Variants in TSPOAP1 observed in about 807,000 individuals in gnomAD.
The protein encoded by TSPOAP1 is TSPO associated protein 1.
In TSPOAP1, 87 loss-of-function variants were observed where a neutral mutation model predicts 197.0. That is an observed-to-expected ratio of 0.44 (90% CI 0.37 to 0.53). The LOEUF is 0.53. Ranked by LOEUF, TSPOAP1 falls within the 20% of genes least tolerant of loss-of-function variation. The pLI is 0.00. For missense variants in TSPOAP1, 2,174 were observed against 2,411.3 expected (o/e 0.90, Z 2.06); for synonymous variants, 913 against 998.9 (o/e 0.91, Z 1.62).
At chr17:58,312,817 T>A (rs1971115137) in intron 16 of TSPOAP1, 95 bp from the exon 17 acceptor site, 2 of 881,988 alleles carry the variant, frequency 2.3e-6, no homozygotes, top group Non-Finnish European at 3.4e-6. Flanking sequence ...CAACTGCTAG[T>A]GGGTGATCTT....
rs1282862644 is a variant in TSPOAP1, at chr17:58,304,112, A to G, written c.*32+226T>C. On this transcript the variant is annotated intron_variant, in intron 31 of 31. Coordinates refer to ENST00000343736, the MANE Select transcript of TSPOAP1 (RefSeq NM_004758.4). This position sits in a 1 kb window ranked among gnomAD's most constrained non-coding sequence, Gnocchi z 4.2. ...ACATCACACACTAAGATGACATGTA[A>G]TCCTATGACAGCTGGCACTGCCCTG... 3 of 537,992 alleles carry G rather than the reference A, an allele frequency of 5.6e-6. No homozygotes were observed. Among genetic ancestry groups the G allele is most frequent in the Non-Finnish European group, 6.7e-6 (2 of 298,938 alleles). 33.3% of individuals were successfully genotyped at this position (537,992 alleles called of 1,614,324 possible). A position where few individuals can be genotyped will look rare whatever the true frequency, so the allele number is the denominator to read the frequency against.
chr17:58,301,529 A>T lies in TSPOAP1; in HGVS notation c.*951T>A, dbSNP rs1970722698. On this transcript the variant is annotated 3_prime_UTR_variant, in exon 32 of 32. Coordinates refer to ENST00000343736, the MANE Select transcript of TSPOAP1 (RefSeq NM_004758.4). Reference sequence around the variant, plus strand: ...GGGTTAGAAGAAAACTATGCAAAAGAACTTGAATCCAATGAGCAAAATAAG... The same window carrying T: ...GGGTTAGAAGAAAACTATGCAAAAGTACTTGAATCCAATGAGCAAAATAAG... 6.5e-6 allele frequency: 1 copy of T among 152,692 alleles called. No homozygotes were observed. The highest frequency in any genetic ancestry group is 2.4e-5 in the African/African-American group (1 of 41,452). The allele number at this position is 152,692 out of a possible 1,614,324, so 9.5% of individuals were successfully genotyped here. A position where few individuals can be genotyped will look rare whatever the true frequency, so the allele number is the denominator to read the frequency against.
Position 58,309,621 on chromosome 17 carries a change from A to G in TSPOAP1, c.3892-241T>C, listed in dbSNP as rs1250600030. On this transcript the variant is annotated intron_variant, in intron 21 of 31. Coordinates refer to ENST00000343736, the MANE Select transcript of TSPOAP1 (RefSeq NM_004758.4). This position sits in a 1 kb window ranked among gnomAD's most constrained non-coding sequence, Gnocchi z 5.0. ...GGAACACACTCTAGGAACCATCACCAGCCCCTGTGGGACAGGAGCATTGAG... is the reference window on the plus strand; with the variant it reads ...GGAACACACTCTAGGAACCATCACCGGCCCCTGTGGGACAGGAGCATTGAG... Among the ~76,000 whole-genome samples the G allele has an allele frequency of 6.6e-6, 1 of 152,104 alleles. No individual in the cohort carries two copies. The highest frequency in any genetic ancestry group is 1.5e-5 in the Non-Finnish European group (1 of 68,012).
rs1360106256 is a variant in TSPOAP1 at position 58,305,629 on chromosome 17, C to T, written c.5272G>A (p.Val1758Ile). 1 of 1,544,400 alleles carries T rather than the reference C, an allele frequency of 6.5e-7. No homozygotes were observed. The highest frequency in any genetic ancestry group is 1.9e-5 in the Admixed American group (1 of 52,174). The change falls in exon 28 of 32, where the codon GTC (valine) becomes ATC (isoleucine). Residue 1758 changes from valine (V) to isoleucine (I), a missense_variant. By Grantham distance (29) the Val-to-Ile change is conservative. Around this residue, in one of 5 missense-constraint regions of TSPOAP1, gnomAD observed 161 missense variants for 159.1 expected, o/e 1.01. Transcript: ENST00000343736. ...AQPCPGPPKL[V>I]PSADLKAPHS... The stretch of plus-strand genomic sequence containing the variant: ...GGAGCTTTCAGGTCAGCAGAGGGGA[C>T]CAGCTTAGGGGGGCCTGCAGGGGGA...
In TSPOAP1 at chr17:58,324,915, C is replaced by T. The variant is rs760956067; in HGVS notation, c.838G>A (p.Ala280Thr). The change falls in exon 5 of 32, where the codon GCG becomes ACG. Residue 280 changes from alanine to threonine, a missense_variant. Transcript: ENST00000343736. This position sits in a 1 kb window ranked among gnomAD's most constrained non-coding sequence, Gnocchi z 5.8. ...REVLRLQRQI[A>T]LRNQRETLPL... ...AGCGTCTCCCGCTGGTTGCGCAGCG[C>T]GATCTGCCTCTGCAGCCGCAGCACC... 1.4e-5 allele frequency: 22 copies of T among 1,537,088 alleles called. No homozygotes were observed. Among genetic ancestry groups the T allele is most frequent in the Non-Finnish European group, 4.4e-6 (5 of 1,145,710 alleles).
Position 58,328,080 on chromosome 17 carries a change from A to T in TSPOAP1, c.-160T>A. The T allele has an allele frequency of 3.0e-6, 2 of 662,584 alleles. No homozygotes were observed. The highest frequency in any genetic ancestry group is 5.1e-6 in the Non-Finnish European group (2 of 395,474). 41.0% of individuals were successfully genotyped at this position (662,584 alleles called of 1,614,324 possible). A position where few individuals can be genotyped will look rare whatever the true frequency, so the allele number is the denominator to read the frequency against. On this transcript the variant is annotated 5_prime_UTR_variant, in exon 1 of 32. Coordinates refer to ENST00000343736, the MANE Select transcript of TSPOAP1 (RefSeq NM_004758.4). The surrounding 1 kb of genome is among the most constrained non-coding windows in gnomAD (Gnocchi z 4.3). ...CTGAGCTCTTCCCCACCCACAAAGGAGGCTGCAGAAGGCGCCAGGGCTGCT... is the reference window on the plus strand; with the variant it reads ...CTGAGCTCTTCCCCACCCACAAAGGTGGCTGCAGAAGGCGCCAGGGCTGCT...
rs750447096 is a variant in TSPOAP1 at position 58,322,374 on chromosome 17, C to A, written c.1356G>T (p.Glu452Asp). ...REVAQRRQQL[E>D]VEHEQARLSL... ...TGAGCCGAGCCTGTTCATGCTCCAC[C>A]TCCAGCTGCTGCCGCCGCTGGGCCA... is the stretch of plus-strand genomic sequence containing the variant. The change falls in exon 10 of 32, where the codon GAG (glutamate) becomes GAT (aspartate). Residue 452 changes from glutamate to aspartate, a missense_variant. This residue lies in a region of TSPOAP1 where 1,933 missense variants were observed against 2,139.0 expected (regional missense o/e 0.90). Transcript: ENST00000343736. The surrounding 1 kb of genome is among the most constrained non-coding windows in gnomAD (Gnocchi z 5.0). 1.9e-6 allele frequency: 3 copies of A among 1,606,298 alleles called. No individual in the cohort carries two copies. The South Asian group carries it at 3.3e-5, about 18-fold the overall frequency.
rs1028238889 is a variant in TSPOAP1 at position 58,324,382 on chromosome 17, C to T, written c.942+429G>A. 6.6e-6 allele frequency among the ~76,000 whole-genome samples: 1 copy of T among 152,084 alleles called. No homozygotes were observed. The highest frequency in any genetic ancestry group is 1.5e-5 in the Non-Finnish European group (1 of 67,972). On this transcript the variant is annotated intron_variant, in intron 5 of 31. Coordinates refer to ENST00000343736, the MANE Select transcript of TSPOAP1 (RefSeq NM_004758.4). This position sits in a 1 kb window ranked among gnomAD's most constrained non-coding sequence, Gnocchi z 5.8. ...GTACCTGGAGCCGGGGCGGACGCACCGCCGCCCCCGGGTAGCTGGGGCCAG... is the reference window on the plus strand; with the variant it reads ...GTACCTGGAGCCGGGGCGGACGCACTGCCGCCCCCGGGTAGCTGGGGCCAG...
At position 58,304,123 on chromosome 17, in the gene TSPOAP1, G is replaced by T. The variant is rs888927401; in HGVS notation, c.*32+215C>A. On this transcript the variant is annotated intron_variant, in intron 31 of 31. Coordinates refer to ENST00000343736, the MANE Select transcript of TSPOAP1 (RefSeq NM_004758.4). The surrounding 1 kb of genome is among the most constrained non-coding windows in gnomAD (Gnocchi z 4.2). Reference sequence around the variant, plus strand: ...TAAGATGACATGTAATCCTATGACAGCTGGCACTGCCCTGGGTAAAGGCAA... The same window carrying T: ...TAAGATGACATGTAATCCTATGACATCTGGCACTGCCCTGGGTAAAGGCAA... The T allele has an allele frequency of 3.5e-5, 19 of 550,600 alleles. No individual in the cohort carries two copies. The highest frequency in any genetic ancestry group is 3.4e-4 in the African/African-American group (18 of 52,896). 34.1% of individuals were successfully genotyped at this position (550,600 alleles called of 1,614,324 possible).
intron 10 of TSPOAP1, chr17:58,321,954 C>T (rs1484795578): frequency 1.2e-5 from 3 of 245,134 alleles, no homozygotes; most frequent in Non-Finnish European, 2.4e-5. Flanking sequence ...TGGTCTCAGG[C>T]TTCTTCAGCT....
In TSPOAP1 at chr17:58,311,577, C is replaced by G; in HGVS notation, c.3075G>C (p.Gly1025=). The G allele has an allele frequency of 6.3e-7, 1 of 1,576,460 alleles. No individual in the cohort carries two copies. Among genetic ancestry groups the G allele is most frequent in the Non-Finnish European group, 8.6e-7 (1 of 1,157,238 alleles). ...RVTGYAIYAD[G]QKIMEVASPT... ...ACAGTGGGCAGGGCTATACCTTCTG[C>G]CCATCAGCGTAGATGGCATAGCCTG... Residue 1025 remains glycine, a synonymous_variant, in exon 18 of 32, where the codon GGG becomes GGC. Transcript: ENST00000343736.
intron 7 of TSPOAP1, 121 bp from the exon 8 acceptor site, chr17:58,323,160 C>A: frequency 6.8e-7 from 1 of 1,464,888 alleles, no homozygotes; most frequent in Non-Finnish European, 9.4e-7. Flanking sequence ...CCTGCACCAG[C>A]CAGGAAAGGA....
At chr17:58,320,455 C>T in intron 11 of TSPOAP1, 76 bp downstream of exon 11, 1 of 1,420,452 alleles carries the variant, frequency 7.0e-7, no homozygotes, top group Non-Finnish European at 9.3e-7. Flanking sequence ...CGCCATAGTC[C>T]ATTTCAGCTC....
intron 24 of TSPOAP1, among the ~76,000 whole-genome samples, chr17:58,307,192 G>A (rs1444802681): frequency 6.6e-6 from 1 of 152,178 alleles, no homozygotes; most frequent in African/African-American, 2.4e-5. Flanking sequence ...CATGCCCTTT[G>A]CCCACCCCAG....
rs1970821338 is a variant in TSPOAP1 at position 58,304,684 on chromosome 17, A to G, written c.5545-285T>C. The G allele has an allele frequency of 3.5e-6, 2 of 572,040 alleles. No individual in the cohort carries two copies. The highest frequency in any genetic ancestry group is 6.3e-6 in the Non-Finnish European group (2 of 318,722). 35.4% of individuals were successfully genotyped at this position (572,040 alleles called of 1,614,324 possible). ...GGCTGGGCAACTGGCTTCCAAAGGC[A>G]CCTGGGAGGTATGGAGACCACCCCC... On this transcript the variant is annotated intron_variant, in intron 30 of 31. Transcript: ENST00000343736. This position sits in a 1 kb window ranked among gnomAD's most constrained non-coding sequence, Gnocchi z 4.2.
At chr17:58,308,295 G>T (rs767318771) in intron 22 of TSPOAP1, among the ~76,000 whole-genome samples, 56 of 152,258 alleles carry the variant, frequency 3.7e-4, no homozygotes, top group Non-Finnish European at 6.9e-4. Context: ...AGAGGAAAGG[G>T]CGACCCTGCC....
At chr17:58,318,824 T>G (rs1460721694) in intron 13 of TSPOAP1, among the ~76,000 whole-genome samples, 1 of 152,098 alleles carries the variant, frequency 6.6e-6, no homozygotes, top group African/African-American at 2.4e-5. Context: ...TGCTACTGAC[T>G]CCTAGTGCCC....
Position 58,309,265 on chromosome 17 carries a change from T to G in TSPOAP1, c.4007A>C (p.Glu1336Ala), listed in dbSNP as rs1383892169. 6.2e-7 allele frequency: 1 copy of G among 1,613,672 alleles called. No homozygotes were observed. Among genetic ancestry groups the G allele is most frequent in the Admixed American group, 1.7e-5 (1 of 60,012 alleles). ...CTCCTCGTCCTCCTCTTCCTCTTCC[T>G]CCTCCTCCGGGATGCTAAAGAGCTT... Reference protein sequence around the residue: ...SKKLFSIPEEEEEEEEDEEEE... With the variant: ...SKKLFSIPEEAEEEEEDEEEE... The change falls in exon 22 of 32, where the codon GAG becomes GCG. Residue 1336 changes from glutamate to alanine, a missense_variant. Transcript: ENST00000343736. This position sits in a 1 kb window ranked among gnomAD's most constrained non-coding sequence, Gnocchi z 5.0.
chr17:58,326,305 C>G lies in TSPOAP1; in HGVS notation c.558G>C (p.Thr186=), dbSNP rs369879329. The G allele has an allele frequency of 2.5e-5, 40 of 1,613,962 alleles. No homozygotes were observed. The highest frequency in any genetic ancestry group is 3.1e-5 in the Non-Finnish European group (37 of 1,180,000). ...LEERARKLQE[T]NLRVVSAPLP... ...CTCCTTTCCTCACCACCCTCAGGTT[C>G]GTTTCCTGCAGCTTTCGGGCCCTCT... Residue 186 remains threonine, a synonymous_variant, in exon 3 of 32, where the codon ACG becomes ACC. Transcript: ENST00000343736. This position sits in a 1 kb window ranked among gnomAD's most constrained non-coding sequence, Gnocchi z 4.7.
Sources: allele counts gnomAD v4.1 joint callset (sites outside exome capture counted in the v4.1 genomes callset), GRCh38; gene constraint gnomAD v4.1.1; regional missense constraint gnomAD v4.1.1; non-coding constraint Gnocchi (gnomAD v3.1); transcripts MANE v1.5; gene names NCBI Gene and HGNC (gene_info 2026-07-23, HGNC 2026-07-21).